DPYSL2: variants seen among roughly 807,000 people sequenced by gnomAD.
DPYSL2 encodes the protein dihydropyrimidinase like 2.
DPYSL2 carries 13 observed loss-of-function variants against 69.9 expected under a neutral mutation model. The ratio of observed to expected loss-of-function variants is 0.19; its 90% CI spans 0.12 to 0.30. The LOEUF (loss-of-function observed/expected upper bound fraction) is 0.30. Among genes scored for constraint, DPYSL2 ranks in the 10% least tolerant of loss-of-function variants. DPYSL2 has a pLI of 1.00. For missense variants in DPYSL2, 587 were observed against 918.9 expected (o/e 0.64, Z 4.67); for synonymous variants, 326 against 359.1 (o/e 0.91, Z 1.04).
chr8:26,634,223 C>G (rs1217898238), intron 7 of DPYSL2, among the ~76,000 whole-genome samples: 1 of 152,152 alleles, frequency 6.6e-6, no homozygotes, highest in African/African-American at 2.4e-5. Context: ...GCTGATGTCA[C>G]AGGCTTGCTG....
Position 26,652,411 on chromosome 8 carries a change from A to G in DPYSL2, c.1751A>G (p.Tyr584Cys). Reference sequence around the variant, plus strand: ...CGGAAGCCCTTCCCTGATTTTGTTTACAAGCGTATCAAGGCAAGGAGCAGG... The same window carrying G: ...CGGAAGCCCTTCCCTGATTTTGTTTGCAAGCGTATCAAGGCAAGGAGCAGG... ...IPRKPFPDFVYKRIKARSRLA... is the reference protein window; with the variant it reads ...IPRKPFPDFVCKRIKARSRLA... Residue 584 changes from tyrosine to cysteine, a missense_variant, in exon 12 of 14, where the codon TAC becomes TGC. By Grantham distance (194) the Tyr-to-Cys change is radical. Around this residue, in one of 3 missense-constraint regions of DPYSL2, gnomAD observed 452 missense variants for 754.3 expected, o/e 0.60. Coordinates refer to ENST00000521913, the MANE Select transcript of DPYSL2 (RefSeq NM_001197293.3). The surrounding 1 kb of genome is among the most constrained non-coding windows in gnomAD (Gnocchi z 6.3). 2.5e-6 allele frequency: 4 copies of G among 1,613,694 alleles called. No individual in the cohort carries two copies. Among genetic ancestry groups the G allele is most frequent in the Non-Finnish European group, 1.7e-6 (2 of 1,179,816 alleles).
chr8:26,574,608 T>C (rs906929894), intron 1 of DPYSL2, among the ~76,000 whole-genome samples: 9 of 152,254 alleles, frequency 5.9e-5, no homozygotes, highest in Non-Finnish European at 1.0e-4. Flanking sequence ...TGCTTTCTCA[T>C]GTTTGGCATG....
chr8:26,533,651 A>G lies in DPYSL2; in HGVS notation c.354+18972A>G, dbSNP rs187097918. Among the ~76,000 whole-genome samples the G allele has an allele frequency of 1.3e-5, 2 of 152,348 alleles. No homozygotes were observed. Among genetic ancestry groups the G allele is most frequent in the African/African-American group, 4.8e-5 (2 of 41,582 alleles). On this transcript the variant is annotated intron_variant, in intron 1 of 13. Coordinates refer to ENST00000521913, the MANE Select transcript of DPYSL2 (RefSeq NM_001197293.3). This position sits in a 1 kb window ranked among gnomAD's most constrained non-coding sequence, Gnocchi z 4.8. ...ATTTTAGGAGATGGCAAGAAACTAG[A>G]GACAAAACATTGCCACACAGCATTA... is the stretch of plus-strand genomic sequence containing the variant.
chr8:26,649,873 A>G (rs1803247892), intron 11 of DPYSL2, among the ~76,000 whole-genome samples: 1 of 152,152 alleles, frequency 6.6e-6, no homozygotes. Flanking sequence ...GTATCTGGGA[A>G]TTGTGATCTG....
At position 26,514,364 on chromosome 8, in the gene DPYSL2, C is replaced by G. The variant is rs770565724; in HGVS notation, c.39C>G (p.Asp13Glu). The stretch of plus-strand genomic sequence containing the variant: ...AGCAATCCGGGAAGGCGGCAGAGGA[C>G]GAAGAGGTCCCTGCTTTTTTTAAAA... The part of the protein sequence containing the change: ...ERKQSGKAAE[D>E]EEVPAFFKNL... Residue 13 changes from aspartate (D) to glutamate (E), a missense_variant, in exon 1 of 14, where the codon GAC becomes GAG. Asp to Glu is a conservative substitution (Grantham distance 45, BLOSUM62 2). Around this residue, in one of 3 missense-constraint regions of DPYSL2, gnomAD observed 50 missense variants for 86.8 expected, o/e 0.58. Coordinates refer to ENST00000521913, the MANE Select transcript of DPYSL2 (RefSeq NM_001197293.3). The surrounding 1 kb of genome is among the most constrained non-coding windows in gnomAD (Gnocchi z 8.4). 1.0e-5 allele frequency: 15 copies of G among 1,501,236 alleles called. No individual in the cohort carries two copies. The South Asian group carries it at 1.9e-4, about 19-fold the overall frequency. 93.0% of individuals were successfully genotyped at this position (1,501,236 alleles called of 1,614,324 possible). A position where few individuals can be genotyped will look rare whatever the true frequency, so the allele number is the denominator to read the frequency against.
At chr8:26,603,460 C>T (rs781681039) in intron 3 of DPYSL2, among the ~76,000 whole-genome samples, 3 of 152,194 alleles carry the variant, frequency 2.0e-5, no homozygotes, top group Non-Finnish European at 2.9e-5. Context: ...CGTGAGCCAC[C>T]GCGCCCGGCT....
chr8:26,617,965 G>A lies in DPYSL2; in HGVS notation c.629-6178G>A, dbSNP rs1802393286. ...CTCTGTGAGTGAACTAAAAGCCACC[G>A]GGTTATACCCTTTAAATGAGTGATT... On this transcript the variant is annotated intron_variant, in intron 3 of 13. Coordinates refer to ENST00000521913, the MANE Select transcript of DPYSL2 (RefSeq NM_001197293.3). The surrounding 1 kb of genome is among the most constrained non-coding windows in gnomAD (Gnocchi z 4.7). Among the ~76,000 whole-genome samples, 1 of 152,032 alleles carries A rather than the reference G, an allele frequency of 6.6e-6. No individual in the cohort carries two copies. Among genetic ancestry groups the A allele is most frequent in the Non-Finnish European group, 1.5e-5 (1 of 68,018 alleles).
intron 3 of DPYSL2, among the ~76,000 whole-genome samples, chr8:26,594,456 A>T (rs1801812874): frequency 6.6e-6 from 1 of 152,090 alleles, no homozygotes; most frequent in South Asian, 2.1e-4. Flanking sequence ...CAAATCTACC[A>T]TCTATCTATT....
At chr8:26,537,186 C>T (rs1348565947) in intron 1 of DPYSL2, among the ~76,000 whole-genome samples, 8 of 151,966 alleles carry the variant, frequency 5.3e-5, no homozygotes, top group Non-Finnish European at 1.5e-5. Flanking sequence ...ATTATTACTG[C>T]CATTATCATT....
At position 26,647,370 on chromosome 8, in the gene DPYSL2, C is replaced by G. The variant is rs1803189658; in HGVS notation, c.1426-260C>G. ...AGAGACCAACCTCTTGCTGCTCCTCCCCTCCACCCTCCCTAACCCTGGAAG... is the reference window on the plus strand; with the variant it reads ...AGAGACCAACCTCTTGCTGCTCCTCGCCTCCACCCTCCCTAACCCTGGAAG... On this transcript the variant is annotated intron_variant, in intron 10 of 13. Coordinates refer to ENST00000521913, the MANE Select transcript of DPYSL2 (RefSeq NM_001197293.3). The surrounding 1 kb of genome is among the most constrained non-coding windows in gnomAD (Gnocchi z 5.1). 6.6e-6 allele frequency among the ~76,000 whole-genome samples: 1 copy of G among 152,144 alleles called. No individual in the cohort carries two copies. The highest frequency in any genetic ancestry group is 1.5e-5 in the Non-Finnish European group (1 of 68,030).
chr8:26,576,260 G>A (rs1422294062), intron 1 of DPYSL2, among the ~76,000 whole-genome samples: 1 of 152,182 alleles, frequency 6.6e-6, no homozygotes, highest in Non-Finnish European at 1.5e-5. Context: ...GGCTAAGGTG[G>A]TGAAGGGCAG....
intron 1 of DPYSL2, among the ~76,000 whole-genome samples, chr8:26,556,319 ATATATATAG>A (rs1800978471): frequency 2.8e-5 from 1 of 36,036 alleles, no homozygotes; most frequent in Non-Finnish European, 5.3e-5. Flanking sequence ...TATATATACT[ATATATATAG>A]TATATATATA....
At chr8:26,594,289 C>CCT (rs138742839) in intron 3 of DPYSL2, among the ~76,000 whole-genome samples, 10 of 150,440 alleles carry the variant, frequency 6.6e-5, no homozygotes, top group African/African-American at 2.2e-4. Context: ...AAAAGATCTC[C>CCT]CTCTCTCTCT....
chr8:26,552,188 T>TATGA (rs1278540509), intron 1 of DPYSL2, among the ~76,000 whole-genome samples: 3 of 152,158 alleles, frequency 2.0e-5, no homozygotes, highest in Admixed American at 1.3e-4. Flanking sequence ...ATTTTTTAAC[T>TATGA]ATGAGAAGAT....
chr8:26,576,924 C>G (rs1801359100), intron 1 of DPYSL2: 1 of 283,354 alleles, frequency 3.5e-6, no homozygotes, highest in Admixed American at 5.7e-5. Flanking sequence ...CGCTGCGCCC[C>G]CACGCACCCC....
intron 1 of DPYSL2, among the ~76,000 whole-genome samples, chr8:26,570,741 GAA>G (rs572040580): frequency 9.2e-6 from 1 of 108,296 alleles, no homozygotes; most frequent in African/African-American, 3.4e-5. Flanking sequence ...CTTAGAAAAG[GAA>G]AAAAAAAAAA....
At chr8:26,583,076 G>A (rs1801524031) in intron 2 of DPYSL2, among the ~76,000 whole-genome samples, 1 of 152,180 alleles carries the variant, frequency 6.6e-6, no homozygotes, top group African/African-American at 2.4e-5. Context: ...GTGCAGGCCT[G>A]TGTGCTGTTT....
In DPYSL2 at chr8:26,564,533, G is replaced by A. The variant is rs916273462; in HGVS notation, c.355-17436G>A. ...ACCTAGGGAAGGAGAAAAGAGGGGT[G>A]TGTGTGATGCTCTGCTACAAATCCT... On this transcript the variant is annotated intron_variant, in intron 1 of 13. Transcript: ENST00000521913. The surrounding 1 kb of genome is among the most constrained non-coding windows in gnomAD (Gnocchi z 4.8). 6.6e-6 allele frequency among the ~76,000 whole-genome samples: 1 copy of A among 152,098 alleles called. No individual in the cohort carries two copies. Among genetic ancestry groups the A allele is most frequent in the Non-Finnish European group, 1.5e-5 (1 of 68,024 alleles).
chr8:26,636,933 G>T (rs1482051297), intron 8 of DPYSL2, among the ~76,000 whole-genome samples: 5 of 152,002 alleles, frequency 3.3e-5, no homozygotes, highest in African/African-American at 4.8e-5. Context: ...GTAGAGACGG[G>T]GTTTCACCAT....
Sources: allele counts gnomAD v4.1 joint callset (sites outside exome capture counted in the v4.1 genomes callset), GRCh38; gene constraint gnomAD v4.1.1; regional missense constraint gnomAD v4.1.1; non-coding constraint Gnocchi (gnomAD v3.1); transcripts MANE v1.5; gene names NCBI Gene and HGNC (gene_info 2026-07-23, HGNC 2026-07-21).